PARVG: variants seen among roughly 807,000 people sequenced by gnomAD.
PARVG encodes gamma-parvin.
A neutral mutation model predicts 44.4 loss-of-function variants in PARVG; 36 were observed. That is an observed-to-expected ratio of 0.81 (90% CI 0.62 to 1.07). The LOEUF (loss-of-function observed/expected upper bound fraction) is 1.07. Ranked by LOEUF, PARVG falls within the 50% of genes least tolerant of loss-of-function variation. PARVG has a pLI of 0.00. For missense variants in PARVG, 407 were observed against 407.4 expected, an observed-to-expected ratio of 1.00 and a Z score of 0.01; for synonymous variants, 170 against 174.1, an observed-to-expected ratio of 0.98 and a Z score of 0.19.
chr22:44,189,860 T>G (rs2054524552), intron 6 of PARVG, among the ~76,000 whole-genome samples: 2 of 152,320 alleles, frequency 1.3e-5, no homozygotes, highest in Middle Eastern at 3.4e-3. Flanking sequence ...GAGGTTGCAG[T>G]GAGCCCAGAT....
At chr22:44,178,867 A>G (rs1487409293), upstream of PARVG, among the ~76,000 whole-genome samples, 2 of 152,232 alleles carry the variant, frequency 1.3e-5, no homozygotes, top group East Asian at 3.8e-4. Context: ...AAAACCTTCT[A>G]TCAATGCTAA....
intron 8 of PARVG, 47 bp from the exon 9 acceptor site, chr22:44,193,754 G>T: frequency 1.2e-6 from 2 of 1,604,426 alleles, no homozygotes; most frequent in Non-Finnish European, 1.7e-6. Context: ...GGTTTGCGGG[G>T]TGTTTTTTTT....
intron 1 of PARVG, chr22:44,181,386 G>A (rs2054373897): frequency 3.0e-6 from 3 of 985,336 alleles, no homozygotes; most frequent in Non-Finnish European, 3.6e-6. Context: ...AGTCTCCTGC[G>A]TGGTCCCGGG....
chr22:44,192,385 ATCTG>A (rs1413505351), intron 8 of PARVG, among the ~76,000 whole-genome samples: 2 of 152,158 alleles, frequency 1.3e-5, no homozygotes, highest in Admixed American at 6.5e-5. Flanking sequence ...GGCCCAGTGA[ATCTG>A]TCTCTCTAGT....
At chr22:44,186,008 T>C (rs563059430) in intron 4 of PARVG, 136 bp downstream of exon 4, 2 of 622,088 alleles carry the variant, frequency 3.2e-6, no homozygotes, top group African/African-American at 1.9e-5. Flanking sequence ...CGAAGACCCC[T>C]GGAAGGCCTG....
intron 9 of PARVG, among the ~76,000 whole-genome samples, chr22:44,194,636 A>G (rs2054593268): frequency 6.6e-6 from 1 of 151,038 alleles, no homozygotes; most frequent in South Asian, 2.1e-4. Context: ...TCACCTGTCC[A>G]TCCATCCATC....
At position 44,181,837 on chromosome 22, in the gene PARVG, C is replaced by T. The variant is rs1347756961; in HGVS notation, c.-93C>T. 16 of 985,400 alleles carry T rather than the reference C, an allele frequency of 1.6e-5. No homozygotes were observed. Among genetic ancestry groups the T allele is most frequent in the Non-Finnish European group, 1.7e-5 (14 of 829,988 alleles). The allele number at this position is 985,400 out of a possible 1,614,324, so 61.0% of individuals were successfully genotyped here. A position where few individuals can be genotyped will look rare whatever the true frequency, so the allele number is the denominator to read the frequency against. On this transcript the variant is annotated 5_prime_UTR_variant, in exon 2 of 14. Transcript: ENST00000444313. ...GGTCCCCGAAGACCCCAGAAGAACC[C>T]GGAACTTGCTTCCATTCGGAATCCA...
chr22:44,205,707 G>C, intron 12 of PARVG, 50 bp from the exon 13 acceptor site: 1 of 1,607,874 alleles, frequency 6.2e-7, no homozygotes, highest in Non-Finnish European at 8.5e-7. Context: ...CCAAGGCCTG[G>C]CCTGGGGCTG....
intron 1 of PARVG, among the ~76,000 whole-genome samples, chr22:44,175,323 C>G (rs904129321): frequency 6.6e-6 from 1 of 152,182 alleles, no homozygotes; most frequent in African/African-American, 2.4e-5. Context: ...GCCACTTGCC[C>G]TCAGATGTGA....
intron 1 of PARVG, among the ~76,000 whole-genome samples, chr22:44,174,091 G>A (rs964517022): frequency 3.9e-5 from 6 of 152,226 alleles, no homozygotes; most frequent in African/African-American, 9.6e-5. Flanking sequence ...TTCAGCAGTC[G>A]TTTACCAAGG....
At chr22:44,192,511 C>A (rs973284031) in intron 8 of PARVG, among the ~76,000 whole-genome samples, 2 of 152,158 alleles carry the variant, frequency 1.3e-5, no homozygotes, top group African/African-American at 4.8e-5. Flanking sequence ...CTGTCTTGTT[C>A]CCCGCCCACT....
intron 4 of PARVG, chr22:44,186,380 G>C (rs2054470261): frequency 2.8e-6 from 1 of 360,904 alleles, no homozygotes; most frequent in African/African-American, 2.1e-5. Context: ...CACTGGACCA[G>C]CTCGGCACAG....
intron 13 of PARVG, among the ~76,000 whole-genome samples, chr22:44,206,030 G>A (rs898368399): frequency 6.6e-6 from 1 of 152,156 alleles, no homozygotes; most frequent in Non-Finnish European, 1.5e-5. Context: ...TCTGGGGAGG[G>A]GGAGACCAAG....
chr22:44,189,228 A>AGTG lies in PARVG; in HGVS notation c.364_366dup (p.Trp122dup). 6.2e-7 allele frequency: 1 copy of AGTG among 1,614,126 alleles called. No homozygotes were observed. The highest frequency in any genetic ancestry group is 8.5e-7 in the Non-Finnish European group (1 of 1,179,992). Reference sequence around the variant, plus strand: ...GTGAACCGGAGTCTGCAGCTGGAGGAGTGGCAGGCCAAGTGGAGCGTGGAG... The same window carrying AGTG: ...GTGAACCGGAGTCTGCAGCTGGAGGAGTGGTGGCAGGCCAAGTGGAGCGTGGAG... On this transcript the variant is annotated inframe_insertion, in exon 6 of 14. Transcript: ENST00000444313.
chr22:44,198,928 AT>A (rs2147236488), intron 12 of PARVG, among the ~76,000 whole-genome samples: 3 of 56,112 alleles, frequency 5.3e-5, no homozygotes, highest in Non-Finnish European at 1.3e-4. Flanking sequence ...CCATCTACCC[AT>A]CCATCCATCC....
rs2054786080 is a variant in PARVG, at chr22:44,206,646, C to G, written c.*220C>G. On this transcript the variant is annotated 3_prime_UTR_variant, in exon 14 of 14. Transcript: ENST00000444313. ...TCAGTTTATTTTAATAAAAGTATTT[C>G]TGGGAGGGATTCTGGGAACTTGACA... is the stretch of plus-strand genomic sequence containing the variant. The G allele has an allele frequency of 1.8e-6, 1 of 546,986 alleles. No individual in the cohort carries two copies. The highest frequency in any genetic ancestry group is 3.2e-5 in the East Asian group (1 of 31,666). 33.9% of individuals were successfully genotyped at this position (546,986 alleles called of 1,614,324 possible). A position where few individuals can be genotyped will look rare whatever the true frequency, so the allele number is the denominator to read the frequency against.
chr22:44,194,651 TATCC>T (rs374181547), intron 9 of PARVG, among the ~76,000 whole-genome samples: 85 of 133,610 alleles, frequency 6.4e-4, no homozygotes, highest in African/African-American at 2.4e-3. Flanking sequence ...TCCATCCACC[TATCC>T]ATCCATCAAC....
chr22:44,191,691 AC>A (rs2054551061), intron 7 of PARVG, among the ~76,000 whole-genome samples: 1 of 152,010 alleles, frequency 6.6e-6, no homozygotes. Context: ...GAGCCACCAC[AC>A]CCGGCTTTCT....
chr22:44,190,293 C>G (rs2054530444), intron 6 of PARVG, among the ~76,000 whole-genome samples: 1 of 152,218 alleles, frequency 6.6e-6, no homozygotes, highest in African/African-American at 2.4e-5. Context: ...AACAGTGCTG[C>G]AGTAAACATC....
Sources: allele counts gnomAD v4.1 joint callset (sites outside exome capture counted in the v4.1 genomes callset), GRCh38; gene constraint gnomAD v4.1.1; transcripts MANE v1.5; gene names NCBI Gene and HGNC (gene_info 2026-07-23, HGNC 2026-07-21).